GANC: variants seen among roughly 807,000 people sequenced by gnomAD.
GANC encodes glucosidase alpha, neutral C.
Under a neutral mutation model 124.2 loss-of-function variants are expected in GANC, and 117 were observed. That is an observed-to-expected ratio of 0.94 (90% confidence interval 0.81 to 1.10). The LOEUF is 1.10. Among genes scored for constraint, GANC ranks in the 50% least tolerant of loss-of-function variants. GANC has a pLI of 0.00. For synonymous variants in GANC, 377 were observed against 376.8 expected (o/e 1.00, Z -0.01); for missense variants, 1,140 against 1,095.0 (o/e 1.04, Z -0.58).
Position 42,303,830 on chromosome 15 carries a change from T to A in GANC, c.559-2716T>A, listed in dbSNP as rs1194190386. On this transcript the variant is annotated intron_variant, in intron 6 of 23. Coordinates refer to ENST00000318010, the MANE Select transcript of GANC (RefSeq NM_198141.3). ...CTATCCTAAATATATATGCACCCAA[T>A]ACAGGAGCACCCAGATTCATAAAGC... 2.6e-5 allele frequency among the ~76,000 whole-genome samples: 4 copies of A among 152,222 alleles called. No individual in the cohort carries two copies. In the East Asian group the frequency reaches 5.8e-4, roughly 22 times the overall value.
At chr15:42,304,269 C>T (rs534457743) in intron 6 of GANC, among the ~76,000 whole-genome samples, 3 of 152,230 alleles carry the variant, frequency 2.0e-5, no homozygotes, top group South Asian at 2.1e-4. Context: ...GGGTAAATGA[C>T]GAAATGAAGG....
chr15:42,314,881 C>T (rs2052089157), intron 10 of GANC: 1 of 152,180 alleles, frequency 6.6e-6, no homozygotes, highest in Admixed American at 6.5e-5. Context: ...TGCAGGTTGT[C>T]TACTAAGACT....
chr15:42,297,442 C>T (rs576408858), intron 5 of GANC, among the ~76,000 whole-genome samples, 169 bp from the exon 6 acceptor site: 6 of 152,250 alleles, frequency 3.9e-5, no homozygotes, highest in African/African-American at 1.4e-4. Context: ...GGATTACAGG[C>T]AGGCACCACT....
Position 42,277,088 on chromosome 15 carries a change from G to A in GANC, c.92+678G>A, listed in dbSNP as rs2051678697. ...TACCACAATGAAGAGCTATACATAG[G>A]TCATTTTCTACACATGCAGGTGTAT... On this transcript the variant is annotated intron_variant, in intron 2 of 23. Transcript: ENST00000318010. Among the ~76,000 whole-genome samples the A allele has an allele frequency of 2.0e-5, 3 of 152,092 alleles. No homozygotes were observed. The South Asian group carries it at 6.2e-4, about 31-fold the overall frequency.
chr15:42,308,460 C>A (rs1379510739), intron 8 of GANC, 142 bp downstream of exon 8: 3 of 542,824 alleles, frequency 5.5e-6, no homozygotes, highest in Admixed American at 2.8e-5. Context: ...TTTAAGAACC[C>A]TCCTTGAATG....
At chr15:42,337,812 A>T (rs1159182541) in intron 15 of GANC, among the ~76,000 whole-genome samples, 3 of 152,232 alleles carry the variant, frequency 2.0e-5, no homozygotes, top group Non-Finnish European at 2.9e-5. Flanking sequence ...CTATAATTTC[A>T]GCACTTTGGG....
intron 10 of GANC, among the ~76,000 whole-genome samples, chr15:42,316,149 TACATGTATGCCAATGATC>T (rs1380923115): frequency 2.0e-5 from 3 of 152,202 alleles, no homozygotes; most frequent in African/African-American, 7.2e-5. Flanking sequence ...ACTCAACAGA[TACATGTATGCCAATGATC>T]ACTGTAGCAT....
chr15:42,309,569 CG>C (rs2052031681), intron 8 of GANC, among the ~76,000 whole-genome samples: 1 of 151,982 alleles, frequency 6.6e-6, no homozygotes, highest in African/African-American at 2.4e-5. Flanking sequence ...CCACCTGCTT[CG>C]GCCTCCCAAA....
In GANC at chr15:42,273,580, C is replaced by T. The variant is rs977201017; in HGVS notation, c.-902C>T. On this transcript the variant is annotated 5_prime_UTR_variant, in exon 1 of 24. Coordinates refer to ENST00000318010, the MANE Select transcript of GANC (RefSeq NM_198141.3). The stretch of plus-strand genomic sequence containing the variant: ...GTCTGTGCGCCGTGAGACTTTGGAC[C>T]TACTGCGCAGGCGTCATCCTGTTGG... The T allele has an allele frequency of 1.9e-5, 21 of 1,088,162 alleles. No individual in the cohort carries two copies. Among genetic ancestry groups the T allele is most frequent in the South Asian group, 4.8e-5 (3 of 63,024 alleles). 67.4% of individuals were successfully genotyped at this position (1,088,162 alleles called of 1,614,324 possible). A position where few individuals can be genotyped will look rare whatever the true frequency, so the allele number is the denominator to read the frequency against.
At chr15:42,276,450 T>G in intron 2 of GANC, 40 bp downstream of exon 2, 10 of 905,814 alleles carry the variant, frequency 1.1e-5, no homozygotes, top group Non-Finnish European at 1.6e-5. Flanking sequence ...AAAACATCTC[T>G]GACAGTATTT....
At chr15:42,289,919 G>A (rs1342728606) in intron 4 of GANC, among the ~76,000 whole-genome samples, 3 of 152,136 alleles carry the variant, frequency 2.0e-5, no homozygotes, top group African/African-American at 4.8e-5. Context: ...ACAGATGCAG[G>A]CACAGAGGGA....
At chr15:42,297,537 A>G in intron 5 of GANC, 74 bp from the exon 6 acceptor site, 1 of 1,130,466 alleles carries the variant, frequency 8.8e-7, no homozygotes. Context: ...GTTGGAAATG[A>G]AAAATCTTTA....
Position 42,352,685 on chromosome 15 carries a change from G to T in GANC, c.*546G>T, listed in dbSNP as rs141197501. 9 of 985,838 alleles carry T rather than the reference G, an allele frequency of 9.1e-6. No homozygotes were observed. The highest frequency in any genetic ancestry group is 6.1e-5 in the Admixed American group (1 of 16,278). 61.1% of individuals were successfully genotyped at this position (985,838 alleles called of 1,614,324 possible). On this transcript the variant is annotated 3_prime_UTR_variant, in exon 24 of 24. Coordinates refer to ENST00000318010, the MANE Select transcript of GANC (RefSeq NM_198141.3). ...TGGGAGTTATTCTCCCCTAGAGATC[G>T]ACTTGGCAGCACGAAGGATTCTTTT...
chr15:42,320,833 G>A (rs1268338582), intron 10 of GANC, among the ~76,000 whole-genome samples: 1 of 152,108 alleles, frequency 6.6e-6, no homozygotes, highest in African/African-American at 2.4e-5. Flanking sequence ...ACTGGTGTTT[G>A]GGAGCAGGGT....
Position 42,274,414 on chromosome 15 carries a change from C to T in GANC, c.-68C>T. The T allele has an allele frequency of 6.4e-7, 1 of 1,554,312 alleles. No individual in the cohort carries two copies. Among genetic ancestry groups the T allele is most frequent in the Non-Finnish European group, 8.8e-7 (1 of 1,142,496 alleles). ...TAATTTTAGAAAGACACCCAATCGG[C>T]TTTTTTAAAAGATCGCCCAGGGCCC... On this transcript the variant is annotated 5_prime_UTR_variant, in exon 1 of 24. Coordinates refer to ENST00000318010, the MANE Select transcript of GANC (RefSeq NM_198141.3).
chr15:42,330,334 T>A (rs1415295356), intron 14 of GANC, among the ~76,000 whole-genome samples: 2 of 152,188 alleles, frequency 1.3e-5, no homozygotes, highest in African/African-American at 4.8e-5. Context: ...ACCAAAGAAA[T>A]GCTAGATGAT....
rs781141139 is a variant in GANC, at chr15:42,292,826, G to A, written c.421G>A (p.Val141Ile). 1.2e-6 allele frequency: 2 copies of A among 1,614,146 alleles called. No individual in the cohort carries two copies. Among genetic ancestry groups the A allele is most frequent in the Non-Finnish European group, 1.7e-6 (2 of 1,179,998 alleles). The change falls in exon 5 of 24, where the codon GTA becomes ATA. Residue 141 changes from valine to isoleucine, a missense_variant. Val to Ile is a conservative substitution (Grantham distance 29). Transcript: ENST00000318010. ...CCATATCACAGCAAACCCATTCAAG[G>A]TAGACTTGGTGTCTGAAGAAGAGGT... The part of the protein sequence containing the change: ...KCHITANPFK[V>I]DLVSEEEVVI...
chr15:42,325,027 G>A (rs780506848), intron 11 of GANC, among the ~76,000 whole-genome samples: 12 of 151,964 alleles, frequency 7.9e-5, no homozygotes, highest in Non-Finnish European at 1.5e-4. Flanking sequence ...ACTTTGGGAG[G>A]CCGAGGTGAG....
At chr15:42,347,466 T>C (rs1383045049) in intron 20 of GANC, among the ~76,000 whole-genome samples, 3 of 152,158 alleles carry the variant, frequency 2.0e-5, no homozygotes, top group Non-Finnish European at 4.4e-5. Flanking sequence ...CTCATAGTTA[T>C]GGGCCTGTTG....
Sources: allele counts gnomAD v4.1 joint callset (sites outside exome capture counted in the v4.1 genomes callset), GRCh38; gene constraint gnomAD v4.1.1; transcripts MANE v1.5; gene names NCBI Gene and HGNC (gene_info 2026-07-23, HGNC 2026-07-21).